Variants in ATP13A1 observed in about 807,000 individuals in gnomAD.
ATP13A1 encodes ATPase 13A1, also known as endoplasmic reticulum transmembrane helix translocase.
Under a neutral mutation model 134.8 loss-of-function variants are expected in ATP13A1, and 55 were observed. The observed-to-expected ratio is 0.41, with a 90% CI of 0.33 to 0.51. ATP13A1 has a LOEUF of 0.51. Among genes scored for constraint, ATP13A1 ranks in the 20% least tolerant of loss-of-function variants. The pLI, the probability that ATP13A1 is intolerant of heterozygous loss-of-function variation, is 0.29. For synonymous variants in ATP13A1, 775 were observed against 725.1 expected, an observed-to-expected ratio of 1.07 and a Z score of -1.10; for missense variants, 1,389 against 1,652.8, an observed-to-expected ratio of 0.84 and a Z score of 2.77.
At chr19:19,661,300 C>G (rs749751975) in intron 1 of ATP13A1, among the ~76,000 whole-genome samples, 1 of 152,150 alleles carries the variant, frequency 6.6e-6, no homozygotes, top group Non-Finnish European at 1.5e-5. Flanking sequence ...CACAGGCCCC[C>G]GGCCTCCTGC....
Position 19,649,828 on chromosome 19 carries a change from C to A in ATP13A1, c.2448G>T (p.Leu816Phe), listed in dbSNP as rs1172695732. 4 of 1,602,488 alleles carry A rather than the reference C, an allele frequency of 2.5e-6. No individual in the cohort carries two copies. The highest frequency in any genetic ancestry group is 1.1e-5 in the South Asian group (1 of 90,856). Residue 816 changes from leucine to phenylalanine, a missense_variant, in exon 18 of 26, where the codon TTG becomes TTT. Transcript: ENST00000357324. ...GGGGGTCGGTGGCCTGCAGGTGGGC[C>A]AAGCCGTCGCCTGTGAGGCACAGTG... ...EYALCLTGDG[L>F]AHLQATDPQQ...
chr19:19,648,025 T>C (rs1364315334), intron 19 of ATP13A1, among the ~76,000 whole-genome samples: 1 of 152,150 alleles, frequency 6.6e-6, no homozygotes. Context: ...AGGTCAAAAC[T>C]AAACTGATTT....
Position 19,649,785 on chromosome 19 carries a change from T to C in ATP13A1, c.2491A>G (p.Ile831Val), listed in dbSNP as rs768787610. Reference sequence around the variant, plus strand: ...CGGGCGAACACCTGCACATGGGGGATGAGGCGGAGCAGCTGCTGGGGGTCG... The same window carrying C: ...CGGGCGAACACCTGCACATGGGGGACGAGGCGGAGCAGCTGCTGGGGGTCG... ...ATDPQQLLRL[I>V]PHVQVFARVA... is the part of the protein sequence containing the mutation. The change falls in exon 18 of 26, where the codon ATC becomes GTC. Residue 831 changes from isoleucine (I) to valine (V), a missense_variant. Coordinates refer to ENST00000357324, the MANE Select transcript of ATP13A1 (RefSeq NM_020410.3). The C allele has an allele frequency of 3.1e-6, 5 of 1,601,318 alleles. No homozygotes were observed. The highest frequency in any genetic ancestry group is 4.3e-6 in the Non-Finnish European group (5 of 1,175,398).
At position 19,645,327 on chromosome 19, in the gene ATP13A1, T is replaced by C. The variant is rs2061977103; in HGVS notation, c.*95A>G. ...CAAGGGCGAGACTGTACAGCCTTGC[T>C]GTGGGGGGTTGGGGGCAGGGTTCCC... On this transcript the variant is annotated 3_prime_UTR_variant, in exon 26 of 26. Transcript: ENST00000357324. This position sits in a 1 kb window ranked among gnomAD's most constrained non-coding sequence, Gnocchi z 4.1. 1 of 1,337,816 alleles carries C rather than the reference T, an allele frequency of 7.5e-7. No homozygotes were observed. Among genetic ancestry groups the C allele is most frequent in the African/African-American group, 1.5e-5 (1 of 68,792 alleles). The allele number at this position is 1,337,816 out of a possible 1,614,324, so 82.9% of individuals were successfully genotyped here. A position where few individuals can be genotyped will look rare whatever the true frequency, so the allele number is the denominator to read the frequency against.
rs1432904514 is a variant in ATP13A1, at chr19:19,647,980, C to A, written c.2633-221G>T. Among the ~76,000 whole-genome samples, 1 of 152,164 alleles carries A rather than the reference C, an allele frequency of 6.6e-6. No homozygotes were observed. Among genetic ancestry groups the A allele is most frequent in the African/African-American group, 2.4e-5 (1 of 41,448 alleles). On this transcript the variant is annotated intron_variant, in intron 19 of 25. Coordinates refer to ENST00000357324, the MANE Select transcript of ATP13A1 (RefSeq NM_020410.3). This position sits in a 1 kb window ranked among gnomAD's most constrained non-coding sequence, Gnocchi z 4.8. ...ACAAACCACCAACAATAAACCCCCA[C>A]AACAAATGCAATGAAAAAACACACA...
rs745912177 is a variant in ATP13A1 at position 19,647,028 on chromosome 19, C to A, written c.3105+101G>T. ...CCAGCTACAGCCCCCATCTCTGGGGCCCTGGGTCCTGTAACTTGGGGATGA... is the reference window on the plus strand; with the variant it reads ...CCAGCTACAGCCCCCATCTCTGGGGACCTGGGTCCTGTAACTTGGGGATGA... On this transcript the variant is annotated intron_variant, in intron 22 of 25. Coordinates refer to ENST00000357324, the MANE Select transcript of ATP13A1 (RefSeq NM_020410.3). The surrounding 1 kb of genome is among the most constrained non-coding windows in gnomAD (Gnocchi z 4.8). The A allele has an allele frequency of 1.4e-5, 18 of 1,299,858 alleles. No individual in the cohort carries two copies. The highest frequency in any genetic ancestry group is 1.9e-5 in the Non-Finnish European group (18 of 951,960). 80.5% of individuals were successfully genotyped at this position (1,299,858 alleles called of 1,614,324 possible). A position where few individuals can be genotyped will look rare whatever the true frequency, so the allele number is the denominator to read the frequency against.
intron 22 of ATP13A1, 182 bp from the exon 23 acceptor site, chr19:19,646,529 C>A: frequency 1.4e-6 from 1 of 721,054 alleles, no homozygotes; most frequent in Non-Finnish European, 2.2e-6. Context: ...CACCCCTGAG[C>A]CCAGGGCTGC....
chr19:19,662,832 T>C (rs2062102618), intron 1 of ATP13A1, among the ~76,000 whole-genome samples: 1 of 152,290 alleles, frequency 6.6e-6, no homozygotes, highest in African/African-American at 2.4e-5. Flanking sequence ...CTAAGCTTCA[T>C]AGATGGGGGA....
chr19:19,651,631 G>C, intron 17 of ATP13A1, 58 bp downstream of exon 17: 1 of 1,395,136 alleles, frequency 7.2e-7, no homozygotes, highest in South Asian at 1.2e-5. Flanking sequence ...GTTGCGATGG[G>C]AGCTGTTCTT....
In ATP13A1 at chr19:19,655,385, C is replaced by G. The variant is rs748455902; in HGVS notation, c.1465G>C (p.Val489Leu). ...AGCTCGATGGGCAGCTCAGGAGGCA[C>G]GACCGAGGTGAGGATCAGGGTGCAC... ...LECTLILTSVVPPELPIELSL... is the reference protein window; with the variant it reads ...LECTLILTSVLPPELPIELSL... The change falls in exon 11 of 26, where the codon GTG becomes CTG. Residue 489 changes from valine to leucine, a missense_variant. Val to Leu is a conservative substitution (Grantham distance 32). Around this residue, in one of 4 missense-constraint regions of ATP13A1, gnomAD observed 747 missense variants for 956.1 expected, o/e 0.78. Coordinates refer to ENST00000357324, the MANE Select transcript of ATP13A1 (RefSeq NM_020410.3). The surrounding 1 kb of genome is among the most constrained non-coding windows in gnomAD (Gnocchi z 5.7). 1 of 1,613,916 alleles carries G rather than the reference C, an allele frequency of 6.2e-7. No homozygotes were observed. Among genetic ancestry groups the G allele is most frequent in the Non-Finnish European group, 8.5e-7 (1 of 1,179,862 alleles).
At position 19,646,338 on chromosome 19, in the gene ATP13A1, T is replaced by A; in HGVS notation, c.3115A>T (p.Thr1039Ser). Residue 1039 changes from threonine to serine, a missense_variant, in exon 23 of 26, where the codon ACC becomes TCC. Coordinates refer to ENST00000357324, the MANE Select transcript of ATP13A1 (RefSeq NM_020410.3). ...GGCAGGGGCCGTTCTCGGGAGAGGG[T>A]CTTGAGGGGCTGCAGCAGCAAGGCG... ...LFISRSKPLKTLSRERPLPNI... is the reference protein window; with the variant it reads ...LFISRSKPLKSLSRERPLPNI... 2 of 1,613,450 alleles carry A rather than the reference T, an allele frequency of 1.2e-6. No individual in the cohort carries two copies. The highest frequency in any genetic ancestry group is 1.7e-6 in the Non-Finnish European group (2 of 1,179,734).
At chr19:19,662,148 T>A in intron 1 of ATP13A1, 1 of 1,555,168 alleles carries the variant, frequency 6.4e-7, no homozygotes, top group Non-Finnish European at 8.7e-7. Flanking sequence ...CTAAGCTGCT[T>A]AGCTGCAGGT....
chr19:19,654,972 C>CT (rs2062047906), intron 12 of ATP13A1, 147 bp downstream of exon 12: 8 of 1,333,558 alleles, frequency 6.0e-6, no homozygotes, highest in Non-Finnish European at 8.1e-6. Context: ...ACACCCAGGA[C>CT]TTTGTGGGGA....
Position 19,645,354 on chromosome 19 carries a change from C to G in ATP13A1, c.*68G>C. On this transcript the variant is annotated 3_prime_UTR_variant, in exon 26 of 26. Transcript: ENST00000357324. The surrounding 1 kb of genome is among the most constrained non-coding windows in gnomAD (Gnocchi z 4.1). ...TGGGGGGTTGGGGGCAGGGTTCCCT[C>G]CCGGGGCCCTGTTGGGGTTCCCGCC... is the stretch of plus-strand genomic sequence containing the variant. 3 of 1,508,472 alleles carry G rather than the reference C, an allele frequency of 2.0e-6. No individual in the cohort carries two copies. Among genetic ancestry groups the G allele is most frequent in the Non-Finnish European group, 2.7e-6 (3 of 1,111,300 alleles). The allele number at this position is 1,508,472 out of a possible 1,614,324, so 93.4% of individuals were successfully genotyped here.
Position 19,655,963 on chromosome 19 carries a change from CCT to C in ATP13A1, c.1214-32_1214-31del. The C allele has an allele frequency of 1.2e-6, 2 of 1,606,710 alleles. No individual in the cohort carries two copies. The highest frequency in any genetic ancestry group is 1.7e-6 in the Non-Finnish European group (2 of 1,178,646). On this transcript the variant is annotated intron_variant, in intron 8 of 25. Coordinates refer to ENST00000357324, the MANE Select transcript of ATP13A1 (RefSeq NM_020410.3). This position sits in a 1 kb window ranked among gnomAD's most constrained non-coding sequence, Gnocchi z 5.7. ...GGAGAGAAGCAGAGTCACCGTCATG[CCT>C]GTCTCCTCGTCCTGACTCCCTCATG...
At chr19:19,651,962 A>G (rs1269042074) in intron 16 of ATP13A1, among the ~76,000 whole-genome samples, 165 bp from the exon 17 acceptor site, 1 of 151,824 alleles carries the variant, frequency 6.6e-6, no homozygotes, top group Non-Finnish European at 1.5e-5. Flanking sequence ...ACCCCCACCC[A>G]GGTCATTTTA....
chr19:19,659,964 G>A lies in ATP13A1; in HGVS notation c.420C>T (p.Thr140=), dbSNP rs956152732. The A allele has an allele frequency of 3.2e-6, 5 of 1,578,872 alleles. No individual in the cohort carries two copies. Among genetic ancestry groups the A allele is most frequent in the Non-Finnish European group, 4.3e-6 (5 of 1,163,760 alleles). ...TGGGGGTTGGCACCACCTTCACAAAGGTCGCTTTGCTGGGGTCGTACTCCT... is the reference window on the plus strand; with the variant it reads ...TGGGGGTTGGCACCACCTTCACAAAAGTCGCTTTGCTGGGGTCGTACTCCT... ...CTPEYDPSKA[T]FVKVVPTPNN... The change falls in exon 2 of 26, where the codon ACC becomes ACT. Residue 140 remains threonine (T), a synonymous_variant. Coordinates refer to ENST00000357324, the MANE Select transcript of ATP13A1 (RefSeq NM_020410.3).
In ATP13A1 at chr19:19,653,388, G is replaced by A. The variant is rs964488031; in HGVS notation, c.2100+396C>T. ...CTGGAAGGATCCGCAGCTGTAGGGT[G>A]CAAGCAGAAAGAACGAGAGCCCAGG... On this transcript the variant is annotated intron_variant, in intron 15 of 25. Coordinates refer to ENST00000357324, the MANE Select transcript of ATP13A1 (RefSeq NM_020410.3). This position sits in a 1 kb window ranked among gnomAD's most constrained non-coding sequence, Gnocchi z 4.2. The A allele has an allele frequency of 7.5e-6, 2 of 267,686 alleles. No individual in the cohort carries two copies. The highest frequency in any genetic ancestry group is 4.8e-5 in the South Asian group (1 of 21,022). The allele number at this position is 267,686 out of a possible 1,614,324, so 16.6% of individuals were successfully genotyped here.
chr19:19,655,779 G>T lies in ATP13A1; in HGVS notation c.1269+99C>A. ...GCCCAGGTCCAGGGCCGTGCTGCCA[G>T]AGTCAGCCCGTGGGGCAGATGTTCT... On this transcript the variant is annotated intron_variant, in intron 9 of 25. Transcript: ENST00000357324. The surrounding 1 kb of genome is among the most constrained non-coding windows in gnomAD (Gnocchi z 5.7). 2.0e-6 allele frequency: 3 copies of T among 1,533,164 alleles called. No homozygotes were observed. Among genetic ancestry groups the T allele is most frequent in the Non-Finnish European group, 1.8e-6 (2 of 1,140,140 alleles). The allele number at this position is 1,533,164 out of a possible 1,614,324, so 95.0% of individuals were successfully genotyped here.
Sources: gnomAD v4.1 joint callset for allele counts (sites outside exome capture counted in the v4.1 genomes callset) on GRCh38, gnomAD v4.1.1 for gene constraint, gnomAD v4.1.1 regional missense constraint, Gnocchi (gnomAD v3.1) non-coding constraint, MANE v1.5 for transcripts, NCBI Gene and HGNC (gene_info 2026-07-23, HGNC 2026-07-21) for gene names.